The following ROBO1 variants were observed in gnomAD, a reference collection of about 807,000 sequenced individuals.
The protein encoded by ROBO1 is roundabout homolog 1.
A neutral mutation model predicts 195.9 loss-of-function variants in ROBO1; 149 were observed. The ratio of observed to expected loss-of-function variants is 0.76; its 90% confidence interval spans 0.67 to 0.87. The LOEUF (loss-of-function observed/expected upper bound fraction) is 0.87. Among genes scored for constraint, ROBO1 ranks in the 40% least tolerant of loss-of-function variants. ROBO1 has a pLI of 0.00. For synonymous variants in ROBO1, 816 were observed against 733.2 expected, an observed-to-expected ratio of 1.11 and a Z score of -1.82; for missense variants, 1,933 against 2,068.3, an observed-to-expected ratio of 0.93 and a Z score of 1.27.
chr3:78,600,363 T>C, intron 29 of ROBO1, 54 bp from the exon 30 acceptor site: 1 of 1,139,392 alleles, frequency 8.8e-7, no homozygotes, highest in Non-Finnish European at 1.3e-6. Context: ...ACTTTCACTG[T>C]ATATTGTATC....
chr3:79,603,504 C>A (rs13072324), intron 1 of ROBO1, among the ~76,000 whole-genome samples: 130,214 of 151,856 alleles, frequency 0.86, 56,094 homozygotes, highest in African/African-American at 0.92. Context: ...TGTGAGTAAT[C>A]ACTTGAGATC....
chr3:78,844,452 C>T (rs888025575), intron 4 of ROBO1, among the ~76,000 whole-genome samples: 2 of 151,928 alleles, frequency 1.3e-5, no homozygotes, highest in Admixed American at 6.6e-5. Flanking sequence ...TGTGATATGC[C>T]GTAATTTTAC....
At chr3:79,657,658 T>C (rs1443056590) in intron 1 of ROBO1, among the ~76,000 whole-genome samples, 1 of 152,082 alleles carries the variant, frequency 6.6e-6, no homozygotes, top group Non-Finnish European at 1.5e-5. Flanking sequence ...GATTTATATA[T>C]GAAAACGTTA....
chr3:79,619,302 C>A (rs1944928798), intron 1 of ROBO1, among the ~76,000 whole-genome samples: 1 of 152,080 alleles, frequency 6.6e-6, no homozygotes, highest in Non-Finnish European at 1.5e-5. Context: ...TTTAAACTTA[C>A]CTCCCTCACT....
chr3:79,039,476 T>C (rs1444719985), intron 3 of ROBO1, among the ~76,000 whole-genome samples: 1 of 152,116 alleles, frequency 6.6e-6, no homozygotes, highest in Admixed American at 6.6e-5. Flanking sequence ...TAGCCATGGC[T>C]TTAGAGTCAG....
chr3:79,057,161 T>C (rs1204281053), intron 3 of ROBO1, among the ~76,000 whole-genome samples: 2 of 152,096 alleles, frequency 1.3e-5, no homozygotes, highest in Non-Finnish European at 2.9e-5. Context: ...TGTTCACTGA[T>C]GGCTCCAATG....
intron 2 of ROBO1, among the ~76,000 whole-genome samples, chr3:79,565,175 C>A (rs1432486695): frequency 6.6e-6 from 1 of 152,062 alleles, no homozygotes; most frequent in Non-Finnish European, 1.5e-5. Context: ...AAGCATTACA[C>A]ATTCATTTCC....
At chr3:79,639,067 T>C (rs535895116) in intron 1 of ROBO1, among the ~76,000 whole-genome samples, 111 of 152,268 alleles carry the variant, frequency 7.3e-4, no homozygotes, top group African/African-American at 2.6e-3. Context: ...GCATCAATGG[T>C]GTTTGGGAGA....
chr3:79,495,859 A>G (rs910617179), intron 2 of ROBO1, among the ~76,000 whole-genome samples: 6 of 152,046 alleles, frequency 3.9e-5, no homozygotes, highest in Non-Finnish European at 7.4e-5. Flanking sequence ...CAGTTTCCTC[A>G]CTTATGAATG....
intron 1 of ROBO1, among the ~76,000 whole-genome samples, chr3:79,601,133 A>G (rs1357817587): frequency 6.6e-6 from 1 of 151,980 alleles, no homozygotes. Context: ...AACATTAGAG[A>G]TGGAATTCGA....
rs569637105 is a variant in ROBO1, at chr3:79,653,052, G to A, written c.-50-63091C>T. Among the ~76,000 whole-genome samples, 6 of 151,700 alleles carry A rather than the reference G, an allele frequency of 4.0e-5. No homozygotes were observed. In the East Asian group the frequency reaches 5.8e-4, roughly 15 times the overall value. On this transcript the variant is annotated intron_variant, in intron 1 of 30. Transcript: ENST00000464233. ...ACTTAACCAAAAAAGCCATTAAAAT[G>A]TTTCTGAGCAATTTGGAATTTTTAT...
At chr3:79,125,201 T>C (rs1445988548) in intron 3 of ROBO1, among the ~76,000 whole-genome samples, 3 of 152,220 alleles carry the variant, frequency 2.0e-5, no homozygotes, top group African/African-American at 4.8e-5. Flanking sequence ...AAGTTTCAGA[T>C]TGATAAGCAT....
intron 5 of ROBO1, 118 bp downstream of exon 5, chr3:78,746,625 T>C (rs17376012): frequency 0.017 from 13,007 of 784,820 alleles, 150 homozygotes; most frequent in Middle Eastern, 0.043. Context: ...AAGCTGAACA[T>C]GGGAGCTGAC....
chr3:79,216,915 T>A (rs770154390), intron 2 of ROBO1, among the ~76,000 whole-genome samples: 11 of 152,032 alleles, frequency 7.2e-5, no homozygotes, highest in Non-Finnish European at 1.6e-4. Flanking sequence ...GGGAATTGTG[T>A]CGAATGGTTC....
intron 3 of ROBO1, among the ~76,000 whole-genome samples, chr3:78,963,175 T>C (rs567871739): frequency 2.2e-4 from 33 of 152,114 alleles, no homozygotes; most frequent in African/African-American, 6.7e-4. Context: ...CAAAACCTGA[T>C]ACAAATCTTA....
chr3:79,105,911 T>C (rs570267510), intron 3 of ROBO1, among the ~76,000 whole-genome samples: 56 of 151,896 alleles, frequency 3.7e-4, no homozygotes, highest in Admixed American at 4.6e-4. Context: ...GGATTGTCTT[T>C]GTAAGTTGCC....
At chr3:79,148,020 C>T (rs2080689398) in intron 2 of ROBO1, among the ~76,000 whole-genome samples, 1 of 151,894 alleles carries the variant, frequency 6.6e-6, no homozygotes, top group South Asian at 2.1e-4. Flanking sequence ...TGGTCACAGA[C>T]ATTTCAGAAA....
chr3:79,240,185 A>G (rs899016643), intron 2 of ROBO1, among the ~76,000 whole-genome samples: 1 of 152,184 alleles, frequency 6.6e-6, no homozygotes, highest in Non-Finnish European at 1.5e-5. Flanking sequence ...ACTATTATAC[A>G]ATAGTTTTTT....
intron 2 of ROBO1, among the ~76,000 whole-genome samples, chr3:79,492,425 C>CAAAAAAAAAAA (rs745481519): frequency 1.2e-5 from 1 of 85,674 alleles, no homozygotes. Flanking sequence ...GACTCTGTTT[C>CAAAAAAAAAAA]AGAAAAAAAA....
Sources: allele counts gnomAD v4.1 joint callset (sites outside exome capture counted in the v4.1 genomes callset), GRCh38; gene constraint gnomAD v4.1.1; transcripts MANE v1.5; gene names NCBI Gene and HGNC (gene_info 2026-07-23, HGNC 2026-07-21).